Variants in SYNE2 observed in about 807,000 individuals in gnomAD.
SYNE2 encodes the protein spectrin repeat containing nuclear envelope protein 2.
In SYNE2, 431 loss-of-function variants were observed where a neutral mutation model predicts 856.3. That is an observed-to-expected ratio of 0.50 (90% CI 0.47 to 0.55). SYNE2 has a LOEUF of 0.55. Ranked by LOEUF, SYNE2 falls within the 20% of genes least tolerant of loss-of-function variation. The probability of loss-of-function intolerance (pLI) is 0.00; values close to 1 mark genes in which losing one functional copy is unlikely to be tolerated. For synonymous variants in SYNE2, 2,923 were observed against 2,872.3 expected (o/e 1.02, Z -0.56); for missense variants, 8,129 against 8,023.2 (o/e 1.01, Z -0.50).
At chr14:63,854,977 T>C (rs930467592) in intron 1 of SYNE2, among the ~76,000 whole-genome samples, 35 of 152,328 alleles carry the variant, frequency 2.3e-4, no homozygotes, top group East Asian at 7.7e-4. Context: ...GTTTTAAATA[T>C]ATATTTTCAA....
At chr14:64,012,308 C>A (rs2096852774) in intron 32 of SYNE2, among the ~76,000 whole-genome samples, 1 of 152,162 alleles carries the variant, frequency 6.6e-6, no homozygotes, top group African/African-American at 2.4e-5. Context: ...AACTTCTCAC[C>A]TTCTACCTGA....
At chr14:63,877,465 G>C (rs550165791) in intron 1 of SYNE2, among the ~76,000 whole-genome samples, 1 of 152,158 alleles carries the variant, frequency 6.6e-6, no homozygotes, top group Non-Finnish European at 1.5e-5. Flanking sequence ...CTGCTGAGAG[G>C]TGGTTAATTT....
intron 32 of SYNE2, 102 bp downstream of exon 32, chr14:64,010,218 A>G (rs1490832180): frequency 4.5e-6 from 6 of 1,321,396 alleles, no homozygotes; most frequent in Non-Finnish European, 6.4e-6. Flanking sequence ...ACTTCGTTTA[A>G]AAGAAGTTAC....
Position 64,070,654 on chromosome 14 carries a change from G to T in SYNE2, c.10441G>T (p.Glu3481Ter). ...TTGTTTTTTGAATTAGATTGAACGA[G>T]AGGCAATTATTTTAGATAATCTTCA... ...WKFVSEEIEREAIILDNLQEE... is the reference protein window; with the variant it reads ...WKFVSEEIER The change falls in exon 52 of 116, where the codon GAG becomes TAG. Residue 3481 changes from glutamate (E) to a stop codon, truncating the protein, a stop_gained. Coordinates refer to ENST00000555002, the MANE Select transcript of SYNE2 (RefSeq NM_182914.3). LOFTEE classifies it high-confidence loss of function. The T allele has an allele frequency of 6.2e-7, 1 of 1,613,262 alleles. No individual in the cohort carries two copies. Among genetic ancestry groups the T allele is most frequent in the Non-Finnish European group, 8.5e-7 (1 of 1,179,584 alleles).
chr14:64,073,956 G>C lies in SYNE2; in HGVS notation c.10698-12G>C, dbSNP rs377331006. On this transcript the variant is annotated splice_polypyrimidine_tract_variant and intron_variant, in intron 52 of 115. Coordinates refer to ENST00000555002, the MANE Select transcript of SYNE2 (RefSeq NM_182914.3). ...GATAAAGAAACAATTATATTTTGAC[G>C]TTCTCTTTTAGGCTTCTTCAGAAAG... is the stretch of plus-strand genomic sequence containing the variant. 4.1e-5 allele frequency: 66 copies of C among 1,612,932 alleles called. No individual in the cohort carries two copies. Among genetic ancestry groups the C allele is most frequent in the Non-Finnish European group, 5.3e-5 (62 of 1,179,458 alleles).
chr14:64,063,800 A>G (rs1386991955), intron 50 of SYNE2, among the ~76,000 whole-genome samples: 1 of 152,222 alleles, frequency 6.6e-6, no homozygotes, highest in Non-Finnish European at 1.5e-5. Context: ...AAAATGTGAG[A>G]CTTAAAAATA....
intron 19 of SYNE2, 103 bp downstream of exon 19, chr14:63,986,720 A>G (rs2096628394): frequency 7.8e-7 from 1 of 1,276,410 alleles, no homozygotes. Flanking sequence ...CTACAGTTTT[A>G]ATTTTCTTTG....
rs546727045 is a variant in SYNE2, at chr14:63,875,170, C to T, written c.-52+22027C>T. On this transcript the variant is annotated intron_variant, in intron 1 of 115. Transcript: ENST00000555002. ...TCAAGTGATCCTCCTGCCTCAGCCTCCCAAGTATCTGGGACTACAGGTGTG... is the reference window on the plus strand; with the variant it reads ...TCAAGTGATCCTCCTGCCTCAGCCTTCCAAGTATCTGGGACTACAGGTGTG... Among the ~76,000 whole-genome samples, 9 of 152,212 alleles carry T rather than the reference C, an allele frequency of 5.9e-5. No homozygotes were observed. In the South Asian group the frequency reaches 1.4e-3, roughly 25 times the overall value.
At chr14:64,155,060 AG>A (rs1342751315) in intron 85 of SYNE2, among the ~76,000 whole-genome samples, 1 of 152,212 alleles carries the variant, frequency 6.6e-6, no homozygotes, top group Non-Finnish European at 1.5e-5. Context: ...AGAGTCTGGC[AG>A]TTCCTCAAAT....
intron 45 of SYNE2, among the ~76,000 whole-genome samples, chr14:64,043,583 G>A (rs538999359): frequency 1.3e-4 from 20 of 152,248 alleles, no homozygotes; most frequent in African/African-American, 7.2e-5. Flanking sequence ...TGTCTCAGCC[G>A]CTCCAGCCTT....
At chr14:64,041,007 A>G (rs1395612055) in intron 45 of SYNE2, among the ~76,000 whole-genome samples, 1 of 152,176 alleles carries the variant, frequency 6.6e-6, no homozygotes, top group African/African-American at 2.4e-5. Flanking sequence ...CAAGTATGTC[A>G]ATAATAAATT....
At chr14:64,065,402 C>T (rs189972941) in intron 50 of SYNE2, 30 bp from the exon 51 acceptor site, 158 of 1,586,000 alleles carry the variant, frequency 1.0e-4, no homozygotes, top group Admixed American at 1.7e-4. Context: ...ATAGTATGTC[C>T]CTCTTATTTT....
intron 6 of SYNE2, among the ~76,000 whole-genome samples, chr14:63,943,224 A>G (rs2095952523): frequency 6.6e-6 from 1 of 152,182 alleles, no homozygotes. Flanking sequence ...TTTCACAGAT[A>G]TTTTTGAACA....
chr14:64,162,234 C>A lies in SYNE2; in HGVS notation c.16257C>A (p.Asn5419Lys). ...QQLANISMSG[N>K]NLAEILPPAL... ...TCGCAAACATCAGCATGTCTGGAAACAACCTGGCAGAGATCCTGCCCCCAG... is the reference window on the plus strand; with the variant it reads ...TCGCAAACATCAGCATGTCTGGAAAAAACCTGGCAGAGATCCTGCCCCCAG... Residue 5419 changes from asparagine to lysine, a missense_variant, in exon 88 of 116, where the codon AAC becomes AAA. By Grantham distance (94) the Asn-to-Lys change is moderately conservative. Around this residue, in one of 3 missense-constraint regions of SYNE2, gnomAD observed 5,410 missense variants for 5,284.8 expected, o/e 1.02. Transcript: ENST00000555002. 6.2e-7 allele frequency: 1 copy of A among 1,614,232 alleles called. No individual in the cohort carries two copies. The highest frequency in any genetic ancestry group is 1.1e-5 in the South Asian group (1 of 91,088).
intron 74 of SYNE2, 98 bp from the exon 75 acceptor site, chr14:64,129,684 T>G (rs2097992397): frequency 6.4e-7 from 1 of 1,553,736 alleles, no homozygotes. Context: ...TGCTTTTCCC[T>G]TCATCCCTTT....
intron 1 of SYNE2, among the ~76,000 whole-genome samples, chr14:63,815,011 T>C (rs1398940812): frequency 1.5e-5 from 2 of 131,970 alleles, no homozygotes; most frequent in Non-Finnish European, 3.3e-5. Context: ...TATATCCATA[T>C]ATACATCCAT....
chr14:63,799,629 G>A (rs904897400), intron 1 of SYNE2, among the ~76,000 whole-genome samples: 1 of 152,078 alleles, frequency 6.6e-6, no homozygotes, highest in Non-Finnish European at 1.5e-5. Context: ...GCGTGAACCT[G>A]GGAGGCAGAG....
chr14:63,974,762 G>A (rs1190395607), intron 11 of SYNE2, among the ~76,000 whole-genome samples: 2 of 70,098 alleles, frequency 2.9e-5, no homozygotes, highest in African/African-American at 6.0e-5. Flanking sequence ...GTATATACGT[G>A]TGTGTGTATA....
At chr14:63,796,257 G>T (rs924406450) in intron 1 of SYNE2, among the ~76,000 whole-genome samples, 12 of 152,314 alleles carry the variant, frequency 7.9e-5, no homozygotes, top group Admixed American at 2.0e-4. Flanking sequence ...TCAAGAATTT[G>T]AGACCAGCCT....
Sources: gnomAD v4.1 joint callset for allele counts (sites outside exome capture counted in the v4.1 genomes callset) on GRCh38, gnomAD v4.1.1 for gene constraint, gnomAD v4.1.1 regional missense constraint, MANE v1.5 for transcripts, NCBI Gene and HGNC (gene_info 2026-07-23, HGNC 2026-07-21) for gene names.